DLGAP2: variants seen among roughly 807,000 people sequenced by gnomAD.
DLGAP2 encodes disks large-associated protein 2.
DLGAP2 carries 26 observed loss-of-function variants against 100.3 expected under a neutral mutation model. The ratio of observed to expected loss-of-function variants is 0.26; its 90% confidence interval spans 0.19 to 0.36. DLGAP2 has a LOEUF of 0.36. Ranked by LOEUF, DLGAP2 falls within the 10% of genes least tolerant of loss-of-function variation. DLGAP2 has a pLI of 1.00. For synonymous variants in DLGAP2, 886 were observed against 630.1 expected, an observed-to-expected ratio of 1.41 and a Z score of -6.08; for missense variants, 1,858 against 1,453.2, an observed-to-expected ratio of 1.28 and a Z score of -4.53.
Position 1,552,046 on chromosome 8 carries a change from A to G in DLGAP2, c.1230+2363A>G, listed in dbSNP as rs540721167. The stretch of plus-strand genomic sequence containing the variant: ...GCTGGTTGGTCTGATTGTGTCTGTC[A>G]GTCTGAGTTCCGTGCCATGGGGTCA... On this transcript the variant is annotated intron_variant, in intron 5 of 14. Transcript: ENST00000637795. 6.6e-5 allele frequency among the ~76,000 whole-genome samples: 10 copies of G among 152,106 alleles called. No homozygotes were observed. The South Asian group carries it at 2.1e-3, about 32-fold the overall frequency.
chr8:1,614,885 C>T (rs534678973), intron 6 of DLGAP2, among the ~76,000 whole-genome samples: 1 of 152,350 alleles, frequency 6.6e-6, no homozygotes, highest in South Asian at 2.1e-4. Flanking sequence ...GCATGCCCTC[C>T]TGTTTGAAAG....
intron 2 of DLGAP2, among the ~76,000 whole-genome samples, chr8:1,044,089 C>G (rs985084832): frequency 3.3e-5 from 5 of 152,128 alleles, no homozygotes; most frequent in Admixed American, 6.5e-5. Context: ...CGGTCCCACT[C>G]CTGCTGGATG....
chr8:976,622 A>G (rs1317088497), intron 2 of DLGAP2, among the ~76,000 whole-genome samples: 2 of 152,232 alleles, frequency 1.3e-5, no homozygotes, highest in African/African-American at 4.8e-5. Flanking sequence ...AAAAAAACAA[A>G]AAACAGAAAA....
chr8:843,291 C>G (rs1313460179), intron 1 of DLGAP2, among the ~76,000 whole-genome samples: 2 of 152,202 alleles, frequency 1.3e-5, no homozygotes, highest in Admixed American at 6.5e-5. Flanking sequence ...TGTTCCCTGC[C>G]CCTGGTTTTA....
At chr8:1,067,849 ATT>A (rs1460903367) in intron 2 of DLGAP2, among the ~76,000 whole-genome samples, 1 of 151,430 alleles carries the variant, frequency 6.6e-6, no homozygotes, top group Non-Finnish European at 1.5e-5. Context: ...CACTCTTGGC[ATT>A]GTCACTGCAC....
At chr8:1,049,591 A>G (rs568820199) in intron 2 of DLGAP2, among the ~76,000 whole-genome samples, 2 of 152,256 alleles carry the variant, frequency 1.3e-5, no homozygotes, top group East Asian at 1.9e-4. Flanking sequence ...CAGTTATTCC[A>G]TATTCCTCCA....
intron 3 of DLGAP2, among the ~76,000 whole-genome samples, chr8:1,332,042 G>C (rs184029594): frequency 1.3e-5 from 2 of 152,236 alleles, no homozygotes; most frequent in Non-Finnish European, 1.5e-5. Flanking sequence ...TGGTGAACCA[G>C]TGTTGGGGTG....
At chr8:1,222,605 T>C (rs1279559439) in intron 2 of DLGAP2, among the ~76,000 whole-genome samples, 1 of 148,952 alleles carries the variant, frequency 6.7e-6, no homozygotes, top group Non-Finnish European at 1.5e-5. Context: ...GGTAGGTGCA[T>C]GCTGGCGGGG....
At chr8:1,258,563 C>T (rs555653650) in intron 2 of DLGAP2, among the ~76,000 whole-genome samples, 8 of 152,166 alleles carry the variant, frequency 5.3e-5, no homozygotes, top group East Asian at 1.9e-4. Context: ...GTAAGCTGCA[C>T]GTTCTGCACA....
intron 2 of DLGAP2, among the ~76,000 whole-genome samples, chr8:1,181,862 C>T (rs193149503): frequency 2.0e-5 from 3 of 152,292 alleles, no homozygotes; most frequent in East Asian, 1.9e-4. Context: ...ACGGCACCCC[C>T]TGGAGAGGAC....
intron 2 of DLGAP2, among the ~76,000 whole-genome samples, chr8:1,228,778 C>T (rs1265315437): frequency 6.6e-6 from 1 of 152,112 alleles, no homozygotes; most frequent in East Asian, 1.9e-4. Context: ...AAGAGAAATC[C>T]TCCATCTTAA....
intron 4 of DLGAP2, among the ~76,000 whole-genome samples, chr8:1,508,349 C>CGCCACCCTCT (rs1800014587): frequency 4.1e-5 from 1 of 24,254 alleles, no homozygotes; most frequent in Non-Finnish European, 9.5e-5. Context: ...CGCAAACCCC[C>CGCCACCCTCT]GCAAACCCCC....
intron 2 of DLGAP2, among the ~76,000 whole-genome samples, chr8:1,084,947 G>A (rs541741376): frequency 6.6e-6 from 1 of 152,314 alleles, no homozygotes; most frequent in East Asian, 1.9e-4. Flanking sequence ...CCTTCGTACT[G>A]TTCTCCAGAG....
chr8:1,150,864 A>G (rs1173900068), intron 2 of DLGAP2, among the ~76,000 whole-genome samples: 1 of 152,234 alleles, frequency 6.6e-6, no homozygotes, highest in African/African-American at 2.4e-5. Context: ...CCACTTCTCA[A>G]ATAAGTTTTT....
chr8:988,217 TAGAG>T (rs1800543666), intron 2 of DLGAP2, among the ~76,000 whole-genome samples: 1 of 152,296 alleles, frequency 6.6e-6, no homozygotes, highest in Non-Finnish European at 1.5e-5. Flanking sequence ...AGTATTCAGA[TAGAG>T]AAATAGGTCC....
At chr8:1,681,331 T>TA (rs61275138) in intron 12 of DLGAP2, among the ~76,000 whole-genome samples, 17,967 of 151,138 alleles carry the variant, frequency 0.12, 2,116 homozygotes, top group East Asian at 0.44. Flanking sequence ...AGATATCTTT[T>TA]AAAAAAAAAT....
At chr8:1,528,687 G>A (rs1239948314) in intron 4 of DLGAP2, among the ~76,000 whole-genome samples, 1 of 152,216 alleles carries the variant, frequency 6.6e-6, no homozygotes, top group Non-Finnish European at 1.5e-5. Flanking sequence ...GGACAGGTGA[G>A]TGGGTGACCA....
intron 3 of DLGAP2, among the ~76,000 whole-genome samples, chr8:1,405,341 G>A (rs1260518842): frequency 5.5e-5 from 1 of 18,310 alleles, no homozygotes; most frequent in African/African-American, 1.9e-4. Context: ...CTCCCTCATC[G>A]TCCTCCGGAG....
chr8:1,646,829 CT>C (rs35844058), intron 8 of DLGAP2, among the ~76,000 whole-genome samples: 33,946 of 152,116 alleles, frequency 0.22, 4,172 homozygotes, highest in East Asian at 0.33. Flanking sequence ...TCAAAATCCC[CT>C]TCTGGAAAGG....
Sources: gnomAD v4.1 joint callset for allele counts (sites outside exome capture counted in the v4.1 genomes callset) on GRCh38, gnomAD v4.1.1 for gene constraint, MANE v1.5 for transcripts, NCBI Gene and HGNC (gene_info 2026-07-23, HGNC 2026-07-21) for gene names.